Variants in PGM5 observed in about 807,000 individuals in gnomAD.
PGM5 encodes phosphoglucomutase 5, also known as phosphoglucomutase-like protein 5.
Under a neutral mutation model 59.2 loss-of-function variants are expected in PGM5, and 23 were observed. That is an observed-to-expected ratio of 0.39 (90% confidence interval 0.28 to 0.55). PGM5 has a LOEUF of 0.55. Among genes scored for constraint, PGM5 ranks in the 20% least tolerant of loss-of-function variants. The pLI is 0.66. For missense variants in PGM5, 574 were observed against 748.3 expected (o/e 0.77, Z 2.72); for synonymous variants, 214 against 286.0 (o/e 0.75, Z 2.54).
chr9:68,507,342 C>T (rs1824674370), intron 10 of PGM5, among the ~76,000 whole-genome samples: 1 of 152,126 alleles, frequency 6.6e-6, no homozygotes, highest in Admixed American at 6.5e-5. Flanking sequence ...TTCTCCATAA[C>T]TAATGAATAT....
chr9:68,368,739 C>T (rs1186983336), intron 1 of PGM5, among the ~76,000 whole-genome samples: 6 of 152,098 alleles, frequency 3.9e-5, no homozygotes, highest in African/African-American at 1.4e-4. Context: ...AACTCCTGGG[C>T]TCAGTGGATC....
Position 68,483,916 on chromosome 9 carries a change from C to A in PGM5, c.1347C>A (p.Asp449Glu). 1 of 1,614,138 alleles carries A rather than the reference C, an allele frequency of 6.2e-7. No individual in the cohort carries two copies. Among genetic ancestry groups the A allele is most frequent in the South Asian group, 1.1e-5 (1 of 91,084 alleles). ...DPKTTYYIMRDLEALVTDKSF... is the reference protein window; with the variant it reads ...DPKTTYYIMRELEALVTDKSF... ...AGACGACATATTATATCATGAGGGA[C>A]CTGGAGGCCCTGGTCACAGACAAAT... Residue 449 changes from aspartate (D) to glutamate (E), a missense_variant, in exon 9 of 11, where the codon GAC (aspartate) becomes GAA (glutamate). Asp to Glu is a conservative substitution (Grantham distance 45, BLOSUM62 2). Around this residue, in one of 7 missense-constraint regions of PGM5, gnomAD observed 300 missense variants for 280.0 expected, o/e 1.07. Transcript: ENST00000396396.
intron 10 of PGM5, among the ~76,000 whole-genome samples, chr9:68,525,362 C>A (rs764282224): frequency 6.6e-6 from 1 of 152,182 alleles, no homozygotes; most frequent in Non-Finnish European, 1.5e-5. Context: ...CTGCCCTCAT[C>A]ATGTGGCCAC....
chr9:68,366,824 G>A (rs569888911), intron 1 of PGM5, among the ~76,000 whole-genome samples: 4 of 152,116 alleles, frequency 2.6e-5, no homozygotes, highest in Non-Finnish European at 5.9e-5. Flanking sequence ...GTGATAATGG[G>A]TTACAGCATT....
intron 6 of PGM5, among the ~76,000 whole-genome samples, chr9:68,461,979 TGTTA>T (rs1286074106): frequency 7.9e-5 from 12 of 152,226 alleles, no homozygotes; most frequent in African/African-American, 2.9e-4. Context: ...TCATTCATCT[TGTTA>T]GCAGCATAGA....
rs1255354248 is a variant in PGM5, at chr9:68,485,557, C to T, written c.1479+1509C>T. Among the ~76,000 whole-genome samples the T allele has an allele frequency of 2.6e-5, 4 of 152,174 alleles. No individual in the cohort carries two copies. In the East Asian group the frequency reaches 5.8e-4, roughly 22 times the overall value. ...CATGTGTTTGCTCCTCCCTCGCCTT[C>T]CACCATTATTGTGAGTCCATTAAAC... On this transcript the variant is annotated intron_variant, in intron 9 of 10. Coordinates refer to ENST00000396396, the MANE Select transcript of PGM5 (RefSeq NM_021965.4).
At chr9:68,416,087 A>G (rs2639602) in intron 6 of PGM5, among the ~76,000 whole-genome samples, 9 of 152,176 alleles carry the variant, frequency 5.9e-5, no homozygotes, top group Admixed American at 1.3e-4. Context: ...AGATAAATTA[A>G]CCATGCTCAT....
rs535866987 is a variant in PGM5 at position 68,391,854 on chromosome 9, T to C, written c.888+130T>C. The C allele has an allele frequency of 1.2e-4, 100 of 838,842 alleles. 2 individuals are homozygous for C. In the South Asian group the frequency reaches 1.8e-3, roughly 15 times the overall value. 52.0% of individuals were successfully genotyped at this position (838,842 alleles called of 1,614,324 possible). On this transcript the variant is annotated intron_variant, in intron 5 of 10. Coordinates refer to ENST00000396396, the MANE Select transcript of PGM5 (RefSeq NM_021965.4). ...CATGTGTGCCCTAACTGGCTCTGCA[T>C]CTGCCCTTCTGTTTAATGACTAAGT...
chr9:68,401,576 T>C (rs1822667704), intron 6 of PGM5, among the ~76,000 whole-genome samples: 1 of 151,594 alleles, frequency 6.6e-6, no homozygotes, highest in Admixed American at 6.6e-5. Context: ...TGATTAGGGA[T>C]TCAAGGCTAC....
At chr9:68,460,047 C>T (rs949954041) in intron 6 of PGM5, among the ~76,000 whole-genome samples, 5 of 152,072 alleles carry the variant, frequency 3.3e-5, no homozygotes, top group African/African-American at 1.2e-4. Context: ...AGAAAGTGGA[C>T]ATTTGAAGAT....
At chr9:68,503,973 G>A (rs1474714234) in intron 10 of PGM5, among the ~76,000 whole-genome samples, 1 of 152,200 alleles carries the variant, frequency 6.6e-6, no homozygotes, top group South Asian at 2.1e-4. Flanking sequence ...AGGAGGGCCA[G>A]AGATTTTGCA....
chr9:68,458,493 A>G (rs1158329241), intron 6 of PGM5, among the ~76,000 whole-genome samples: 1 of 152,218 alleles, frequency 6.6e-6, no homozygotes, highest in African/African-American at 2.4e-5. Flanking sequence ...TTTAAATGAT[A>G]TATTTAGTTC....
At chr9:68,528,741 G>A (rs1297412174) in intron 10 of PGM5, among the ~76,000 whole-genome samples, 1 of 152,164 alleles carries the variant, frequency 6.6e-6, no homozygotes, top group Non-Finnish European at 1.5e-5. Context: ...TTAAAGATTG[G>A]CAGCAAACAG....
chr9:68,521,027 T>C (rs1824893362), intron 10 of PGM5, among the ~76,000 whole-genome samples: 1 of 152,224 alleles, frequency 6.6e-6, no homozygotes, highest in South Asian at 2.1e-4. Flanking sequence ...AAATGAAAAC[T>C]TTTCCCTCAG....
chr9:68,363,922 C>A (rs1834631735), intron 1 of PGM5, among the ~76,000 whole-genome samples: 1 of 151,964 alleles, frequency 6.6e-6, no homozygotes, highest in Non-Finnish European at 1.5e-5. Context: ...AATGTAAAGA[C>A]CTTTTACTGA....
chr9:68,528,403 C>T (rs2132123535), intron 10 of PGM5, among the ~76,000 whole-genome samples: 1 of 152,246 alleles, frequency 6.6e-6, no homozygotes, highest in Middle Eastern at 3.4e-3. Context: ...CACCACTGCA[C>T]TCAGCTAATT....
At chr9:68,377,021 G>A (rs1821938108) in intron 1 of PGM5, among the ~76,000 whole-genome samples, 1 of 151,704 alleles carries the variant, frequency 6.6e-6, no homozygotes, top group African/African-American at 2.4e-5. Context: ...CTGCCTCCCA[G>A]GTTCAAGCAA....
In PGM5 at chr9:68,465,129, C is replaced by T; in HGVS notation, c.1080C>T (p.Thr360=). ...CAATGAAGGTCCCTGTATATGAGAC[C>T]CCAGCTGGATGGAGATTCTTCTCAA... ...AKSMKVPVYE[T]PAGWRFFSNL... Residue 360 remains threonine (T), a synonymous_variant, in exon 7 of 11, where the codon ACC becomes ACT. Transcript: ENST00000396396. 6.2e-7 allele frequency: 1 copy of T among 1,612,832 alleles called. No individual in the cohort carries two copies. The highest frequency in any genetic ancestry group is 1.1e-5 in the South Asian group (1 of 91,056).
chr9:68,401,889 A>ATGTGTG (rs1327827891), intron 6 of PGM5, among the ~76,000 whole-genome samples: 16 of 9,302 alleles, frequency 1.7e-3, no homozygotes, highest in African/African-American at 3.4e-3. Context: ...ATATATATAT[A>ATGTGTG]TGTGTGTGTG....
Sources: allele counts gnomAD v4.1 joint callset (sites outside exome capture counted in the v4.1 genomes callset), GRCh38; gene constraint gnomAD v4.1.1; regional missense constraint gnomAD v4.1.1; transcripts MANE v1.5; gene names NCBI Gene and HGNC (gene_info 2026-07-23, HGNC 2026-07-21).